SNTG1: variants seen among roughly 807,000 people sequenced by gnomAD.
The protein encoded by SNTG1 is syntrophin gamma 1.
SNTG1 carries 39 observed loss-of-function variants against 74.7 expected under a neutral mutation model. The observed-to-expected ratio is 0.52, with a 90% CI of 0.40 to 0.68. SNTG1 has a LOEUF of 0.68. Ranked by LOEUF, SNTG1 falls within the 30% of genes least tolerant of loss-of-function variation. The pLI is 0.00. For missense variants in SNTG1, 685 were observed against 609.5 expected (o/e 1.12, Z -1.30); for synonymous variants, 254 against 217.1 (o/e 1.17, Z -1.49).
intron 1 of SNTG1, among the ~76,000 whole-genome samples, chr8:50,093,483 C>T (rs1338685671): frequency 6.6e-6 from 1 of 152,016 alleles, no homozygotes; most frequent in Non-Finnish European, 1.5e-5. Context: ...TAACACTAGC[C>T]ACTCCTGAGT....
chr8:50,103,290 G>T (rs907892654), intron 1 of SNTG1, among the ~76,000 whole-genome samples: 8 of 152,142 alleles, frequency 5.3e-5, no homozygotes, highest in African/African-American at 1.9e-4. Flanking sequence ...TTAGTAAGTT[G>T]GATTCTTAGG....
At chr8:50,210,875 T>C (rs2084488865) in intron 2 of SNTG1, among the ~76,000 whole-genome samples, 1 of 152,214 alleles carries the variant, frequency 6.6e-6, no homozygotes, top group South Asian at 2.1e-4. Flanking sequence ...AAATGTACCA[T>C]ATTAGAAGCT....
At position 50,260,410 on chromosome 8, in the gene SNTG1, A is replaced by G. The variant is rs72640785; in HGVS notation, c.-28+87775A>G. On this transcript the variant is annotated intron_variant, in intron 2 of 18. Coordinates refer to ENST00000642720, the MANE Select transcript of SNTG1 (RefSeq NM_018967.5). ...AGCTCACTAAAAAACAGAACTAAGCACGGGACTATAGTACACTTCTCCACA... is the reference window on the plus strand; with the variant it reads ...AGCTCACTAAAAAACAGAACTAAGCGCGGGACTATAGTACACTTCTCCACA... Among the ~76,000 whole-genome samples, 1,043 of 152,212 alleles carry G rather than the reference A, an allele frequency of 6.9e-3. 3 individuals are homozygous for G. Among genetic ancestry groups the G allele is most frequent in the Middle Eastern group, 0.027 (8 of 294 alleles).
intron 18 of SNTG1, among the ~76,000 whole-genome samples, chr8:50,756,028 C>G (rs370765377): frequency 1.4e-5 from 2 of 146,952 alleles, no homozygotes; most frequent in African/African-American, 5.0e-5. Flanking sequence ...TATTTTCATA[C>G]GCTAATTTTC....
At chr8:49,975,513 G>A (rs1460183770) in intron 1 of SNTG1, among the ~76,000 whole-genome samples, 1 of 152,092 alleles carries the variant, frequency 6.6e-6, no homozygotes, top group Non-Finnish European at 1.5e-5. Flanking sequence ...TTGACATGCA[G>A]TCTCCACAAT....
At chr8:50,179,393 A>G (rs1205882693) in intron 2 of SNTG1, among the ~76,000 whole-genome samples, 1 of 152,216 alleles carries the variant, frequency 6.6e-6, no homozygotes, top group Non-Finnish European at 1.5e-5. Context: ...GGCTTTAGGC[A>G]GTATTTGACA....
intron 1 of SNTG1, among the ~76,000 whole-genome samples, chr8:49,922,552 G>A (rs1806645432): frequency 6.6e-6 from 1 of 152,036 alleles, no homozygotes; most frequent in African/African-American, 2.4e-5. Flanking sequence ...CATGGAGGGT[G>A]AGGAGGTGTT....
intron 9 of SNTG1, among the ~76,000 whole-genome samples, chr8:50,511,510 C>T (rs914716085): frequency 3.9e-5 from 6 of 152,044 alleles, no homozygotes; most frequent in South Asian, 2.1e-4. Flanking sequence ...ATGTTGACAG[C>T]GTAGTGTTAA....
chr8:50,258,883 T>C (rs1586870073), intron 2 of SNTG1, among the ~76,000 whole-genome samples: 1 of 152,114 alleles, frequency 6.6e-6, no homozygotes, highest in Non-Finnish European at 1.5e-5. Context: ...CAAAAAATTA[T>C]TTTAAAACAT....
intron 1 of SNTG1, among the ~76,000 whole-genome samples, chr8:50,120,083 C>T (rs1262092493): frequency 1.4e-5 from 2 of 141,708 alleles, no homozygotes; most frequent in African/African-American, 2.5e-5. Context: ...ACCTTGGACA[C>T]ATTGCATAAC....
At chr8:50,524,100 T>A (rs2094201482) in intron 9 of SNTG1, among the ~76,000 whole-genome samples, 1 of 152,152 alleles carries the variant, frequency 6.6e-6, no homozygotes, top group Admixed American at 6.6e-5. Context: ...AGTTCCATGC[T>A]TTGATCCTTT....
chr8:50,158,018 G>A (rs1219225778), intron 1 of SNTG1, among the ~76,000 whole-genome samples: 1 of 152,068 alleles, frequency 6.6e-6, no homozygotes, highest in South Asian at 2.1e-4. Context: ...CTGGCAAATT[G>A]TAAATACCTC....
chr8:50,771,536 A>G (rs2131786479), intron 18 of SNTG1, among the ~76,000 whole-genome samples: 1 of 152,266 alleles, frequency 6.6e-6, no homozygotes, highest in African/African-American at 2.4e-5. Context: ...GAACGTAAAG[A>G]TTTTAAAAAT....
At chr8:49,964,868 T>A (rs1253263788) in intron 1 of SNTG1, among the ~76,000 whole-genome samples, 3 of 152,244 alleles carry the variant, frequency 2.0e-5, no homozygotes, top group Non-Finnish European at 4.4e-5. Context: ...TGAAGTTTAG[T>A]GTATTTCATT....
intron 1 of SNTG1, among the ~76,000 whole-genome samples, chr8:50,013,677 A>G (rs1178142510): frequency 6.6e-6 from 1 of 152,154 alleles, no homozygotes; most frequent in Non-Finnish European, 1.5e-5. Context: ...GATGCATATA[A>G]TTACGGTAAT....
chr8:50,772,914 T>C (rs1254648189), intron 18 of SNTG1, among the ~76,000 whole-genome samples: 1 of 152,126 alleles, frequency 6.6e-6, no homozygotes, highest in Non-Finnish European at 1.5e-5. Context: ...TCTCACCATG[T>C]GATCTCTTTG....
At chr8:50,064,202 TAA>T (rs1361881322) in intron 1 of SNTG1, among the ~76,000 whole-genome samples, 5 of 152,230 alleles carry the variant, frequency 3.3e-5, no homozygotes, top group African/African-American at 1.2e-4. Flanking sequence ...TCATCACGTG[TAA>T]GATGACTAAA....
rs76076463 is a variant in SNTG1 at position 50,426,068 on chromosome 8, C to T, written c.163-12475C>T. Among the ~76,000 whole-genome samples, 402 of 152,258 alleles carry T rather than the reference C, an allele frequency of 2.6e-3. 3 individuals carry two copies. Among genetic ancestry groups the T allele is most frequent in the African/African-American group, 9.0e-3 (373 of 41,550 alleles). ...TATAGAGATATACCACACACCGAGG[C>T]TCCCCTATTAACATCTTACATAGTA... On this transcript the variant is annotated intron_variant, in intron 4 of 18. Transcript: ENST00000642720.
intron 8 of SNTG1, among the ~76,000 whole-genome samples, chr8:50,484,816 G>T (rs1432840782): frequency 6.6e-6 from 1 of 150,854 alleles, no homozygotes; most frequent in Non-Finnish European, 1.5e-5. Flanking sequence ...CCGAGATCAC[G>T]CTGTCACACT....
Sources: gnomAD v4.1 joint callset for allele counts (sites outside exome capture counted in the v4.1 genomes callset) on GRCh38, gnomAD v4.1.1 for gene constraint, MANE v1.5 for transcripts, NCBI Gene and HGNC (gene_info 2026-07-23, HGNC 2026-07-21) for gene names.